PCDH11X: variants seen among roughly 807,000 people sequenced by gnomAD.
PCDH11X encodes the protein protocadherin-11 X-linked.
PCDH11X carries 18 observed loss-of-function variants against 53.3 expected under a neutral mutation model. The ratio of observed to expected loss-of-function variants is 0.34; its 90% CI spans 0.23 to 0.50. The LOEUF is 0.50. Ranked by LOEUF, PCDH11X falls within the 20% of genes least tolerant of loss-of-function variation. The pLI, the probability that PCDH11X is intolerant of heterozygous loss-of-function variation, is 0.98. For missense variants in PCDH11X, 570 were observed against 1,032.4 expected, an observed-to-expected ratio of 0.55 and a Z score of 6.14; for synonymous variants, 279 against 393.3, an observed-to-expected ratio of 0.71 and a Z score of 3.44.
chrX:92,119,041 A>G lies in PCDH11X; in HGVS notation c.3034-82334A>G, dbSNP rs1163069735. On this transcript the variant is annotated intron_variant, in intron 6 of 10. Coordinates refer to ENST00000682573, the MANE Select transcript of PCDH11X (RefSeq NM_032968.5). ...CAGGCGTGAGCCACTGCGCCCGGCC[A>G]ATATAATGCAGTCTTGAGATAATCT... 4.5e-5 allele frequency among the ~76,000 whole-genome samples: 5 copies of G among 110,184 alleles called. No homozygotes were observed. The East Asian group carries it at 1.4e-3, about 31-fold the overall frequency.
At chrX:92,240,145 G>A (rs2067238909) in intron 7 of PCDH11X, among the ~76,000 whole-genome samples, 1 of 111,551 alleles carries the variant, frequency 9.0e-6, no homozygotes, top group Admixed American at 9.6e-5. Context: ...CATTAAGGAG[G>A]ACTGTGGTCC....
chrX:92,000,722 C>T (rs1339682555), intron 6 of PCDH11X, among the ~76,000 whole-genome samples: 2 of 103,004 alleles, frequency 1.9e-5, no homozygotes. Flanking sequence ...CTCACCCAAG[C>T]CCCCCATTAC....
intron 4 of PCDH11X, among the ~76,000 whole-genome samples, chrX:91,823,123 TGTG>T (rs1415887429): frequency 9.1e-6 from 1 of 109,329 alleles, no homozygotes; most frequent in Non-Finnish European, 1.9e-5. Flanking sequence ...ATAGGTGTGG[TGTG>T]GTGCTGAAAA....
intron 10 of PCDH11X, among the ~76,000 whole-genome samples, chrX:92,482,421 A>T (rs1310085427): frequency 9.1e-6 from 1 of 110,073 alleles, no homozygotes; most frequent in Non-Finnish European, 1.9e-5. Context: ...TATGAATTAG[A>T]AAATACAGCT....
intron 6 of PCDH11X, among the ~76,000 whole-genome samples, chrX:92,027,423 T>C (rs900336892): frequency 6.3e-5 from 7 of 111,305 alleles, no homozygotes; most frequent in African/African-American, 2.3e-4. Context: ...TTTTTACTAA[T>C]TGTTTCTTAA....
intron 6 of PCDH11X, among the ~76,000 whole-genome samples, chrX:91,973,205 G>A (rs1185497950): frequency 1.1e-4 from 11 of 98,972 alleles, no homozygotes; most frequent in Admixed American, 2.3e-4. Flanking sequence ...ACCAAACACC[G>A]CATATTCTCA....
At chrX:91,998,128 T>G (rs2062449994) in intron 6 of PCDH11X, among the ~76,000 whole-genome samples, 1 of 110,502 alleles carries the variant, frequency 9.0e-6, no homozygotes, top group Non-Finnish European at 1.9e-5. Flanking sequence ...GAGACAGGAT[T>G]TCACCATGTT....
chrX:91,897,141 G>T (rs1181315694), intron 6 of PCDH11X, among the ~76,000 whole-genome samples: 1 of 96,274 alleles, frequency 1.0e-5, no homozygotes, highest in Non-Finnish European at 2.0e-5. Flanking sequence ...ACACAAGGAA[G>T]TCTTTCTTCC....
intron 6 of PCDH11X, chrX:91,883,717 A>G (rs1350637377): frequency 1.8e-6 from 1 of 550,796 alleles, no homozygotes; most frequent in Non-Finnish European, 2.2e-6. Flanking sequence ...AGGCAGGAGA[A>G]TAGCGTGAAC....
chrX:91,848,316 C>T (rs1937808986), intron 5 of PCDH11X, among the ~76,000 whole-genome samples: 1 of 109,970 alleles, frequency 9.1e-6, no homozygotes, highest in South Asian at 4.0e-4. Context: ...ATTCTCCTGC[C>T]CCAGCCTCCC....
At chrX:92,010,235 G>A (rs1348112584) in intron 6 of PCDH11X, among the ~76,000 whole-genome samples, 6 of 109,218 alleles carry the variant, frequency 5.5e-5, no homozygotes, top group Admixed American at 2.0e-4. Flanking sequence ...AAGGAACAAT[G>A]CAAAGAAAAA....
rs901091218 is a variant in PCDH11X, at chrX:92,128,322, T to C, written c.3034-73053T>C. Among the ~76,000 whole-genome samples the C allele has an allele frequency of 2.7e-5, 3 of 110,048 alleles. No individual in the cohort carries two copies. In the Admixed American group the frequency reaches 3.0e-4, roughly 11 times the overall value. ...CTGAAAAATAATGTTCTAGGAATTG[T>C]GCCTTGGACAGAAAAGAAAGACACA... On this transcript the variant is annotated intron_variant, in intron 6 of 10. Coordinates refer to ENST00000682573, the MANE Select transcript of PCDH11X (RefSeq NM_032968.5).
intron 8 of PCDH11X, among the ~76,000 whole-genome samples, chrX:92,297,735 C>A (rs2068637434): frequency 9.0e-6 from 1 of 111,209 alleles, no homozygotes; most frequent in South Asian, 3.8e-4. Flanking sequence ...TTGCTTTGGG[C>A]ACTATGTTTG....
intron 9 of PCDH11X, among the ~76,000 whole-genome samples, chrX:92,391,165 A>G (rs371236659): frequency 0.02 from 2,044 of 100,911 alleles, 52 homozygotes; most frequent in East Asian, 0.093. Flanking sequence ...TCCTCCTACC[A>G]TAGCCTCATC....
At chrX:91,794,883 T>C (rs1470079708) in intron 1 of PCDH11X, among the ~76,000 whole-genome samples, 2 of 110,657 alleles carry the variant, frequency 1.8e-5, no homozygotes, top group East Asian at 5.7e-4. Context: ...CGGGTTTTTC[T>C]GTGCTGTTCT....
rs764970510 is a variant in PCDH11X at position 92,530,198 on chromosome X, C to T, written c.3367+61876C>T. 5.7e-3 allele frequency among the ~76,000 whole-genome samples: 610 copies of T among 106,555 alleles called. 6 individuals carry two copies. Among genetic ancestry groups the T allele is most frequent in the African/African-American group, 0.02 (586 of 29,390 alleles). The allele number at this position is 106,555 out of a possible 115,157, so 92.5% of individuals were successfully genotyped here. ...CCCCAAAGTCGAGGTGCAGATTAAC[C>T]CTTCTAATTAGGCTTCATCTATGGG... On this transcript the variant is annotated intron_variant, in intron 10 of 10. Transcript: ENST00000682573.
At chrX:92,157,582 A>T in intron 6 of PCDH11X, among the ~76,000 whole-genome samples, 1 of 111,833 alleles carries the variant, frequency 8.9e-6, no homozygotes, top group East Asian at 2.8e-4. Flanking sequence ...ATTTAAAATG[A>T]GGTGGTTCTG....
chrX:92,252,330 C>A (rs1361300943), intron 7 of PCDH11X, among the ~76,000 whole-genome samples: 1 of 109,842 alleles, frequency 9.1e-6, no homozygotes, highest in African/African-American at 3.3e-5. Flanking sequence ...ACATGGAATA[C>A]CTGCATTAGC....
chrX:91,789,622 CT>C (rs1475770555), intron 1 of PCDH11X, among the ~76,000 whole-genome samples: 2 of 92,501 alleles, frequency 2.2e-5, no homozygotes, highest in African/African-American at 7.9e-5. Context: ...AGCAGGATTA[CT>C]TAAGAAAGAG....
Sources: allele counts gnomAD v4.1 joint callset (sites outside exome capture counted in the v4.1 genomes callset), GRCh38; gene constraint gnomAD v4.1.1; transcripts MANE v1.5; gene names NCBI Gene and HGNC (gene_info 2026-07-23, HGNC 2026-07-21).